The following INHBA variants were observed in gnomAD, a reference collection of about 807,000 sequenced individuals.
INHBA encodes inhibin beta A chain.
INHBA carries 1 observed loss-of-function variant against 29.0 expected under a neutral mutation model. That is an observed-to-expected ratio of 0.03 (90% CI 0.01 to 0.16). The LOEUF is 0.16. Ranked by LOEUF, INHBA falls within the 10% of genes least tolerant of loss-of-function variation. The probability of loss-of-function intolerance (pLI) is 1.00; values close to 1 mark genes in which losing one functional copy is unlikely to be tolerated. For missense variants in INHBA, 376 were observed against 545.4 expected (o/e 0.69, Z 3.09); for synonymous variants, 242 against 216.8 (o/e 1.12, Z -1.02).
chr7:41,691,482 T>G (rs956949173), intron 2 of INHBA: 31 of 152,344 alleles, frequency 2.0e-4, no homozygotes, highest in Admixed American at 9.8e-4. Flanking sequence ...GCTCTGTACA[T>G]GCTGTTCCTC....
chr7:41,704,240 T>C (rs1163959683), upstream of INHBA, among the ~76,000 whole-genome samples: 1 of 151,934 alleles, frequency 6.6e-6, no homozygotes, highest in African/African-American at 2.4e-5. Flanking sequence ...ACACCAGAAG[T>C]TTTCTGTGTA....
In INHBA at chr7:41,687,687, C is replaced by T. The variant is rs1794416382; in HGVS notation, c.*1963G>A. On this transcript the variant is annotated 3_prime_UTR_variant, in exon 3 of 3. Coordinates refer to ENST00000242208, the MANE Select transcript of INHBA (RefSeq NM_002192.4). ...TCTTAACTGTTCTCTTCCTTACTCT[C>T]CCTCTCTTAACACTTTCTCTCAAAT... The T allele has an allele frequency of 6.6e-6, 1 of 152,158 alleles. No homozygotes were observed. Among genetic ancestry groups the T allele is most frequent in the Non-Finnish European group, 1.5e-5 (1 of 68,040 alleles). 9.4% of individuals were successfully genotyped at this position (152,158 alleles called of 1,614,324 possible).
At chr7:41,690,655 T>C (rs534743189) in intron 2 of INHBA, 113 bp from the exon 3 acceptor site, 1 of 1,338,568 alleles carries the variant, frequency 7.5e-7, no homozygotes, top group Non-Finnish European at 9.9e-7. Context: ...CCCTCTTGAA[T>C]AGGGGTCAAC....
rs1794438216 is a variant in INHBA at position 41,688,844 on chromosome 7, GTC to G, written c.*804_*805del. 1 of 221,630 alleles carries G rather than the reference GTC, an allele frequency of 4.5e-6. No individual in the cohort carries two copies. The allele number at this position is 221,630 out of a possible 1,614,324, so 13.7% of individuals were successfully genotyped here. A position where few individuals can be genotyped will look rare whatever the true frequency, so the allele number is the denominator to read the frequency against. ...ATCAGATTACTTCCAATACAAAAAA[GTC>G]TCTCTTTTTGTTCTCTCTCAGGTAA... On this transcript the variant is annotated 3_prime_UTR_variant, in exon 3 of 3. Transcript: ENST00000242208.
In INHBA at chr7:41,689,439, C is replaced by T. The variant is rs1233117744; in HGVS notation, c.*211G>A. On this transcript the variant is annotated 3_prime_UTR_variant, in exon 3 of 3. Transcript: ENST00000242208. ...TCCTGTCTCTTTCACTGCTTCATCT[C>T]TGAGCCCTGGCTAAGGATTTTTTCC... 3.9e-6 allele frequency: 2 copies of T among 508,938 alleles called. No individual in the cohort carries two copies. The highest frequency in any genetic ancestry group is 2.0e-5 in the African/African-American group (1 of 50,180). 31.5% of individuals were successfully genotyped at this position (508,938 alleles called of 1,614,324 possible).
At chr7:41,704,722 C>G, upstream of INHBA, among the ~76,000 whole-genome samples, 1 of 151,786 alleles carries the variant, frequency 6.6e-6, no homozygotes, top group East Asian at 1.9e-4. Context: ...TTCCTCTGCT[C>G]ACTCACCGTG....
chr7:41,689,131 T>G lies in INHBA; in HGVS notation c.*519A>C, dbSNP rs929190352. Reference sequence around the variant, plus strand: ...GTGTGTGTGTGTGTGTGTGTGTGTGTGTGTGTATGCTGATATACACAGAGA... The same window carrying G: ...GTGTGTGTGTGTGTGTGTGTGTGTGGGTGTGTATGCTGATATACACAGAGA... On this transcript the variant is annotated 3_prime_UTR_variant, in exon 3 of 3. Transcript: ENST00000242208. The G allele has an allele frequency of 4.3e-5, 10 of 234,152 alleles. No homozygotes were observed. The highest frequency in any genetic ancestry group is 1.7e-4 in the Admixed American group (3 of 17,784). The allele number at this position is 234,152 out of a possible 1,614,324, so 14.5% of individuals were successfully genotyped here. A position where few individuals can be genotyped will look rare whatever the true frequency, so the allele number is the denominator to read the frequency against.
Position 41,689,712 on chromosome 7 carries a change from C to A in INHBA, c.1219G>T (p.Gly407Cys), listed in dbSNP as rs772344962. 6.2e-7 allele frequency: 1 copy of A among 1,612,802 alleles called. No individual in the cohort carries two copies. The highest frequency in any genetic ancestry group is 1.3e-5 in the African/African-American group (1 of 74,954). Reference protein sequence around the residue: ...RPMSMLYYDDGQNIIKKDIQN... With the variant: ...RPMSMLYYDDCQNIIKKDIQN... Reference sequence around the variant, plus strand: ...ATGTCCTTTTTGATGATGTTTTGACCATCATCATAGTACAACATGGACATG... The same window carrying A: ...ATGTCCTTTTTGATGATGTTTTGACAATCATCATAGTACAACATGGACATG... The change falls in exon 3 of 3, where the codon GGT becomes TGT. Residue 407 changes from glycine (G) to cysteine (C), a missense_variant. By Grantham distance (159) the Gly-to-Cys change is radical (BLOSUM62 -3). Around this residue, in one of 4 missense-constraint regions of INHBA, gnomAD observed 50 missense variants for 137.9 expected, o/e 0.36. Coordinates refer to ENST00000242208, the MANE Select transcript of INHBA (RefSeq NM_002192.4).
chr7:41,697,866 C>T (rs1331044179), intron 2 of INHBA, among the ~76,000 whole-genome samples: 1 of 152,174 alleles, frequency 6.6e-6, no homozygotes, highest in Non-Finnish European at 1.5e-5. Flanking sequence ...ACAGTCCATA[C>T]AGCAATCATT....
Position 41,690,190 on chromosome 7 carries a change from G to A in INHBA, c.741C>T (p.Cys247=). ...GAACCAAGCTGGCGCCACTCTCCTG[G>A]CACTGCTCACAGGCAATCCGAACGT... The part of the protein sequence containing the change: ...SLDVRIACEQ[C]QESGASLVLL... Residue 247 remains cysteine (C), a synonymous_variant, in exon 3 of 3, where the codon TGC becomes TGT. Coordinates refer to ENST00000242208, the MANE Select transcript of INHBA (RefSeq NM_002192.4). The A allele has an allele frequency of 6.2e-7, 1 of 1,613,730 alleles. No individual in the cohort carries two copies. Among genetic ancestry groups the A allele is most frequent in the South Asian group, 1.1e-5 (1 of 91,066 alleles).
chr7:41,704,661 T>A (rs1583604312), upstream of INHBA, among the ~76,000 whole-genome samples: 1 of 117,508 alleles, frequency 8.5e-6, no homozygotes, highest in African/African-American at 3.3e-5. Context: ...TGTGTGTAGG[T>A]GACGTGGGGT....
At chr7:41,699,835 G>A (rs1205372308) in intron 2 of INHBA, 152 bp downstream of exon 2, 3 of 612,662 alleles carry the variant, frequency 4.9e-6, no homozygotes, top group South Asian at 4.4e-5. Flanking sequence ...GCCCTCCGTC[G>A]GCTAGTCCGC....
At chr7:41,699,233 T>C (rs1210036675) in intron 2 of INHBA, among the ~76,000 whole-genome samples, 1 of 152,198 alleles carries the variant, frequency 6.6e-6, no homozygotes, top group Non-Finnish European at 1.5e-5. Flanking sequence ...CAAGGTTGCG[T>C]TCCTTGGCAG....
At chr7:41,692,834 T>A (rs1317454370) in intron 2 of INHBA, among the ~76,000 whole-genome samples, 1 of 152,218 alleles carries the variant, frequency 6.6e-6, no homozygotes, top group Non-Finnish European at 1.5e-5. Flanking sequence ...TTGTTGTTTG[T>A]TTCTTAACAA....
At position 41,699,977 on chromosome 7, in the gene INHBA, CAGCA is replaced by C. The variant is rs1291794712; in HGVS notation, c.388+6_388+9del. The C allele has an allele frequency of 1.2e-6, 1 of 823,480 alleles. No individual in the cohort carries two copies. The highest frequency in any genetic ancestry group is 1.9e-5 in the South Asian group (1 of 53,454). 51.0% of individuals were successfully genotyped at this position (823,480 alleles called of 1,614,324 possible). A position where few individuals can be genotyped will look rare whatever the true frequency, so the allele number is the denominator to read the frequency against. ...ACCCCTCCCCACCCCCTGCCAATGCCAGCACCAACCTGACTCGGCAAACGTGATG... is the reference window on the plus strand; with the variant it reads ...ACCCCTCCCCACCCCCTGCCAATGCCCCAACCTGACTCGGCAAACGTGATG... On this transcript the variant is annotated splice_donor_region_variant and intron_variant, in intron 2 of 2. Transcript: ENST00000242208.
chr7:41,698,523 C>T (rs971905769), intron 2 of INHBA, among the ~76,000 whole-genome samples: 1 of 152,164 alleles, frequency 6.6e-6, no homozygotes, highest in Admixed American at 6.5e-5. Context: ...TGAAAAGTTC[C>T]AACCTAGCTT....
intron 1 of INHBA, among the ~76,000 whole-genome samples, chr7:41,701,981 C>T (rs987281323): frequency 2.8e-4 from 43 of 152,178 alleles, no homozygotes; most frequent in African/African-American, 9.9e-4. Context: ...AAAAATTCTT[C>T]CCCCTCCCCT....
Position 41,690,087 on chromosome 7 carries a change from C to T in INHBA, c.844G>A (p.Asp282Asn), listed in dbSNP as rs1208258694. 1.2e-6 allele frequency: 2 copies of T among 1,613,772 alleles called. No individual in the cohort carries two copies. The highest frequency in any genetic ancestry group is 3.3e-5 in the Admixed American group (2 of 60,008). Reference sequence around the variant, plus strand: ...CTGTGCGACTGCTCCTTTTCCTCATCTGCTCCTGCCCCACCTTCACCTCCG... The same window carrying T: ...CTGTGCGACTGCTCCTTTTCCTCATTTGCTCCTGCCCCACCTTCACCTCCG... The part of the protein sequence containing the change: ...KGGGEGGAGA[D>N]EEKEQSHRPF... The change falls in exon 3 of 3, where the codon GAT (aspartate) becomes AAT (asparagine). Residue 282 changes from aspartate to asparagine, a missense_variant. Transcript: ENST00000242208.
chr7:41,697,443 TC>T (rs1323762144), intron 2 of INHBA, among the ~76,000 whole-genome samples: 1 of 152,172 alleles, frequency 6.6e-6, no homozygotes, highest in African/African-American at 2.4e-5. Context: ...CCTCAGCACT[TC>T]AGCTTTTGGA....
Sources: allele counts gnomAD v4.1 joint callset (sites outside exome capture counted in the v4.1 genomes callset), GRCh38; gene constraint gnomAD v4.1.1; regional missense constraint gnomAD v4.1.1; transcripts MANE v1.5; gene names NCBI Gene and HGNC (gene_info 2026-07-23, HGNC 2026-07-21).